ATR: variants seen among roughly 807,000 people sequenced by gnomAD.
The protein encoded by ATR is ATR checkpoint kinase.
A neutral mutation model predicts 305.3 loss-of-function variants in ATR; 142 were observed. The observed-to-expected ratio is 0.47, with a 90% CI of 0.41 to 0.53. The LOEUF (loss-of-function observed/expected upper bound fraction) is 0.53. Among genes scored for constraint, ATR ranks in the 20% least tolerant of loss-of-function variants. The probability of loss-of-function intolerance (pLI) is 0.00; values close to 1 mark genes in which losing one functional copy is unlikely to be tolerated. For missense variants in ATR, 2,135 were observed against 3,133.1 expected (o/e 0.68, Z 7.60); for synonymous variants, 1,050 against 1,068.1 (o/e 0.98, Z 0.33).
In ATR at chr3:142,449,277, T is replaced by G; in HGVS notation, c.*152A>C. 1.5e-6 allele frequency: 1 copy of G among 684,566 alleles called. No homozygotes were observed. Among genetic ancestry groups the G allele is most frequent in the Middle Eastern group, 4.1e-4 (1 of 2,450 alleles). The allele number at this position is 684,566 out of a possible 1,614,324, so 42.4% of individuals were successfully genotyped here. ...TTATTTCTTAATAACTGAATGTATATTATTTTACATATAATTAATGATCAG... is the reference window on the plus strand; with the variant it reads ...TTATTTCTTAATAACTGAATGTATAGTATTTTACATATAATTAATGATCAG... On this transcript the variant is annotated 3_prime_UTR_variant, in exon 47 of 47. Transcript: ENST00000350721.
intron 41 of ATR, among the ~76,000 whole-genome samples, chr3:142,462,506 T>C (rs1389971019): frequency 6.6e-6 from 1 of 151,920 alleles, no homozygotes; most frequent in Non-Finnish European, 1.5e-5. Context: ...TCTTGCTCTG[T>C]CGCCCAAGCT....
chr3:142,493,415 T>A, intron 34 of ATR, 104 bp from the exon 35 acceptor site: 1 of 1,268,374 alleles, frequency 7.9e-7, no homozygotes, highest in Non-Finnish European at 1.1e-6. Flanking sequence ...CATTTGTAAT[T>A]TCATGTTTAT....
At chr3:142,510,147 G>T (rs1178433883) in intron 27 of ATR, among the ~76,000 whole-genome samples, 1 of 143,532 alleles carries the variant, frequency 7.0e-6, no homozygotes. Flanking sequence ...TACTGTCACT[G>T]AAAATGGTGA....
chr3:142,449,478 T>C lies in ATR; in HGVS notation c.7886A>G (p.Asp2629Gly). Reference sequence around the variant, plus strand: ...ATACATCTGGCATAGTAAGTTTTCATCAGTAGCTTCCTGTATAAGGTAATG... The same window carrying C: ...ATACATCTGGCATAGTAAGTTTTCACCAGTAGCTTCCTGTATAAGGTAATG... ...HVHYLIQEAT[D>G]ENLLCQMYLG... The change falls in exon 47 of 47, where the codon GAT becomes GGT. Residue 2629 changes from aspartate to glycine, a missense_variant. Physicochemically the swap from Asp to Gly is moderately conservative, Grantham distance 94. This residue lies in a region of ATR where 462 missense variants were observed against 887.6 expected (regional missense o/e 0.52). Transcript: ENST00000350721. 6.2e-7 allele frequency: 1 copy of C among 1,613,396 alleles called. No individual in the cohort carries two copies. The highest frequency in any genetic ancestry group is 8.5e-7 in the Non-Finnish European group (1 of 1,179,306).
intron 46 of ATR, chr3:142,451,534 C>G: frequency 7.2e-7 from 1 of 1,384,260 alleles, no homozygotes; most frequent in African/African-American, 1.5e-5. Flanking sequence ...ACACCAACAC[C>G]TATATCCAGA....
At chr3:142,538,981 A>G (rs1194245313) in intron 18 of ATR, among the ~76,000 whole-genome samples, 1 of 152,168 alleles carries the variant, frequency 6.6e-6, no homozygotes, top group African/African-American at 2.4e-5. Flanking sequence ...TTTGTTACAC[A>G]GATTTGAATT....
At position 142,483,390 on chromosome 3, in the gene ATR, C is replaced by T. The variant is rs142218630; in HGVS notation, c.6221+1750G>A. ...CCTGAGATTATACTTGACTATAATA[C>T]ACCGATATATGAAATTAAAAGTTAT... On this transcript the variant is annotated intron_variant, in intron 36 of 46. Transcript: ENST00000350721. Among the ~76,000 whole-genome samples the T allele has an allele frequency of 5.7e-3, 868 of 152,150 alleles. 11 individuals carry two copies. Among genetic ancestry groups the T allele is most frequent in the African/African-American group, 0.02 (835 of 41,506 alleles).
intron 35 of ATR, among the ~76,000 whole-genome samples, chr3:142,485,512 G>T (rs2030858450): frequency 6.6e-6 from 1 of 152,172 alleles, no homozygotes; most frequent in African/African-American, 2.4e-5. Flanking sequence ...ACATGAAATA[G>T]TGCTGGAAGA....
At chr3:142,503,288 A>G in intron 30 of ATR, 74 bp downstream of exon 30, 1 of 1,039,532 alleles carries the variant, frequency 9.6e-7, no homozygotes, top group Non-Finnish European at 1.5e-6. Context: ...TAAACATTAA[A>G]TTACCCAATT....
chr3:142,471,015 T>C (rs186862441), intron 36 of ATR, among the ~76,000 whole-genome samples: 5 of 152,168 alleles, frequency 3.3e-5, no homozygotes, highest in Admixed American at 3.3e-4. Flanking sequence ...ACATTCACAT[T>C]GTTGCGTAAT....
At position 142,562,696 on chromosome 3, in the gene ATR, G is replaced by A; in HGVS notation, c.706C>T (p.Leu236=). The A allele has an allele frequency of 6.2e-7, 1 of 1,614,010 alleles. No homozygotes were observed. Among genetic ancestry groups the A allele is most frequent in the Non-Finnish European group, 8.5e-7 (1 of 1,179,954 alleles). The part of the protein sequence containing the change: ...ELLLWQIGCV[L]LEYGSPKIKS... Reference sequence around the variant, plus strand: ...ATTTTTGGACTACCATACTCTAGCAGAACACAACCTATCTGCCAAAGTAAG... The same window carrying A: ...ATTTTTGGACTACCATACTCTAGCAAAACACAACCTATCTGCCAAAGTAAG... Residue 236 remains leucine, a synonymous_variant, in exon 4 of 47, where the codon CTG becomes TTG. Transcript: ENST00000350721.
chr3:142,546,030 C>T (rs1406283658), intron 16 of ATR, among the ~76,000 whole-genome samples: 1 of 152,126 alleles, frequency 6.6e-6, no homozygotes, highest in East Asian at 1.9e-4. Context: ...CATTCTCTGC[C>T]GCCTTCTGCC....
At chr3:142,480,619 G>A (rs1218708965) in intron 36 of ATR, among the ~76,000 whole-genome samples, 1 of 152,224 alleles carries the variant, frequency 6.6e-6, no homozygotes, top group East Asian at 1.9e-4. Context: ...AAAGCTGTCA[G>A]ACAGGGACAT....
rs1442072941 is a variant in ATR at position 142,510,465 on chromosome 3, A to C, written c.4852+1795T>G. Among the ~76,000 whole-genome samples the C allele has an allele frequency of 2.6e-5, 4 of 152,338 alleles. No individual in the cohort carries two copies. The South Asian group carries it at 6.2e-4, about 24-fold the overall frequency. On this transcript the variant is annotated intron_variant, in intron 27 of 46. Transcript: ENST00000350721. Reference sequence around the variant, plus strand: ...ACAGAGAGAGACTTAGTCTCAAAAAAAGAAAAAAAAATTAAAAAACAAACA... The same window carrying C: ...ACAGAGAGAGACTTAGTCTCAAAAACAGAAAAAAAAATTAAAAAACAAACA...
chr3:142,476,332 A>G (rs1227382021), intron 36 of ATR, among the ~76,000 whole-genome samples: 4 of 152,088 alleles, frequency 2.6e-5, no homozygotes, highest in Non-Finnish European at 4.4e-5. Flanking sequence ...TTTTCCCAGC[A>G]TCATTTGTTA....
chr3:142,508,196 C>T (rs562847629), intron 27 of ATR, 87 bp from the exon 28 acceptor site: 3 of 1,115,950 alleles, frequency 2.7e-6, no homozygotes, highest in Non-Finnish European at 3.9e-6. Context: ...CAATTTATTT[C>T]ACTAAACAAA....
At chr3:142,463,380 A>G (rs1364748248) in intron 41 of ATR, among the ~76,000 whole-genome samples, 4 of 152,192 alleles carry the variant, frequency 2.6e-5, no homozygotes, top group Non-Finnish European at 5.9e-5. Context: ...TTAAGGTACC[A>G]TTTTAACAAA....
At chr3:142,538,390 A>C (rs2108431625) in intron 19 of ATR, 92 bp downstream of exon 19, 1 of 1,386,668 alleles carries the variant, frequency 7.2e-7, no homozygotes. Context: ...AATTCAAAAA[A>C]GTGACAGTTT....
intron 38 of ATR, among the ~76,000 whole-genome samples, 158 bp from the exon 39 acceptor site, chr3:142,468,226 A>C (rs923230882): frequency 2.6e-5 from 4 of 152,176 alleles, no homozygotes; most frequent in African/African-American, 9.6e-5. Flanking sequence ...ATCAAGAGCC[A>C]TACAAATATT....
Sources: gnomAD v4.1 joint callset for allele counts (sites outside exome capture counted in the v4.1 genomes callset) on GRCh38, gnomAD v4.1.1 for gene constraint, gnomAD v4.1.1 regional missense constraint, MANE v1.5 for transcripts, NCBI Gene and HGNC (gene_info 2026-07-23, HGNC 2026-07-21) for gene names.